Variants in GRIK2 observed in about 807,000 individuals in gnomAD.
GRIK2 encodes the protein glutamate ionotropic receptor kainate type subunit 2.
A neutral mutation model predicts 100.3 loss-of-function variants in GRIK2; 32 were observed. The observed-to-expected ratio is 0.32, with a 90% CI of 0.24 to 0.43. The LOEUF (loss-of-function observed/expected upper bound fraction) is 0.43, where lower values mean the gene tolerates loss of function less well. GRIK2 is among the 20% of genes least tolerant of loss of function. The pLI is 1.00. For missense variants in GRIK2, 843 were observed against 1,114.9 expected (o/e 0.76, Z 3.47); for synonymous variants, 417 against 389.4 (o/e 1.07, Z -0.83).
At chr6:101,924,805 G>A in intron 13 of GRIK2, 86 bp downstream of exon 13, 1 of 814,400 alleles carries the variant, frequency 1.2e-6, no homozygotes, top group South Asian at 1.4e-5. Flanking sequence ...CAAGTCGCTT[G>A]CATGGGTGCC....
At chr6:102,050,762 AAAG>A (rs977360368) in intron 15 of GRIK2, among the ~76,000 whole-genome samples, 11 of 151,550 alleles carry the variant, frequency 7.3e-5, no homozygotes, top group African/African-American at 2.7e-4. Flanking sequence ...GGGAGGGAAA[AAAG>A]GAGAAAAGGA....
intron 4 of GRIK2, among the ~76,000 whole-genome samples, chr6:101,657,435 T>C (rs893622606): frequency 4.6e-5 from 7 of 152,120 alleles, no homozygotes. Context: ...CTTTATAAAT[T>C]ACGCAGTCTT....
intron 12 of GRIK2, among the ~76,000 whole-genome samples, chr6:101,905,250 C>A (rs908430050): frequency 6.6e-6 from 1 of 151,464 alleles, no homozygotes; most frequent in Admixed American, 6.6e-5. Context: ...TTGAATGGCT[C>A]ATCTTAAAAT....
chr6:102,058,878 GA>G (rs1562145854), intron 16 of GRIK2, among the ~76,000 whole-genome samples: 1 of 151,308 alleles, frequency 6.6e-6, no homozygotes, highest in Non-Finnish European at 1.5e-5. Context: ...AGATATGTCA[GA>G]TATAATATAT....
chr6:101,883,562 AT>A (rs1786414043), intron 11 of GRIK2, among the ~76,000 whole-genome samples: 1 of 152,058 alleles, frequency 6.6e-6, no homozygotes, highest in African/African-American at 2.4e-5. Context: ...AAAGTACTGT[AT>A]GGAGATAAAG....
At chr6:102,017,358 A>G (rs1769166992) in intron 14 of GRIK2, among the ~76,000 whole-genome samples, 1 of 152,156 alleles carries the variant, frequency 6.6e-6, no homozygotes, top group African/African-American at 2.4e-5. Context: ...CATGGTGGAA[A>G]CTGTCCTTAT....
At chr6:101,589,906 C>G (rs756279478) in intron 2 of GRIK2, among the ~76,000 whole-genome samples, 6 of 152,048 alleles carry the variant, frequency 3.9e-5, no homozygotes, top group Non-Finnish European at 7.4e-5. Flanking sequence ...ACTAATTCAA[C>G]TTGTTTACCT....
At chr6:101,672,889 A>G (rs1372714437) in intron 4 of GRIK2, among the ~76,000 whole-genome samples, 1 of 152,142 alleles carries the variant, frequency 6.6e-6, no homozygotes. Context: ...GAACATACAC[A>G]TGCATGTTTT....
chr6:101,419,757 C>A (rs55767962), intron 2 of GRIK2, among the ~76,000 whole-genome samples: 3,923 of 152,224 alleles, frequency 0.026, 188 homozygotes, highest in African/African-American at 0.09. Context: ...GGCTTCTGAC[C>A]CTGCCTTATG....
chr6:101,732,487 A>G (rs1222775030), intron 7 of GRIK2, among the ~76,000 whole-genome samples: 2 of 152,094 alleles, frequency 1.3e-5, no homozygotes, highest in African/African-American at 2.4e-5. Flanking sequence ...AAAGCAATAT[A>G]TATCTTTATT....
chr6:101,939,360 A>G (rs918250936), intron 14 of GRIK2, among the ~76,000 whole-genome samples: 2 of 152,022 alleles, frequency 1.3e-5, no homozygotes, highest in African/African-American at 2.4e-5. Context: ...TAAATTCCCA[A>G]TATATATTTG....
At chr6:101,890,385 GTACTT>G (rs1465022148) in intron 12 of GRIK2, 1 of 152,158 alleles carries the variant, frequency 6.6e-6, no homozygotes, top group African/African-American at 2.4e-5. Flanking sequence ...ATTACCAAAA[GTACTT>G]TATTGTCATT....
intron 7 of GRIK2, among the ~76,000 whole-genome samples, chr6:101,782,012 C>G (rs1317858449): frequency 1.3e-5 from 2 of 151,920 alleles, no homozygotes; most frequent in Non-Finnish European, 2.9e-5. Flanking sequence ...TCTGGAGTCC[C>G]CTTTATTTTA....
intron 4 of GRIK2, among the ~76,000 whole-genome samples, chr6:101,644,201 A>T (rs1037034478): frequency 8.6e-5 from 13 of 151,984 alleles, no homozygotes; most frequent in African/African-American, 2.9e-4. Flanking sequence ...GCTAAAAGAG[A>T]GTTATATAAA....
At chr6:101,674,909 T>C (rs566471542) in intron 4 of GRIK2, among the ~76,000 whole-genome samples, 4 of 152,198 alleles carry the variant, frequency 2.6e-5, no homozygotes, top group Non-Finnish European at 5.9e-5. Context: ...TGATACATAA[T>C]AATTTTGCAT....
chr6:101,751,270 C>G (rs541576040), intron 7 of GRIK2, among the ~76,000 whole-genome samples: 5 of 151,420 alleles, frequency 3.3e-5, no homozygotes, highest in Non-Finnish European at 7.4e-5. Flanking sequence ...TTTATTTTTA[C>G]TTTTTATTAT....
chr6:101,480,429 C>A (rs1713352735), intron 2 of GRIK2, among the ~76,000 whole-genome samples: 1 of 151,986 alleles, frequency 6.6e-6, no homozygotes, highest in Non-Finnish European at 1.5e-5. Flanking sequence ...CTCTTAGCAT[C>A]CTATCTTTCT....
intron 14 of GRIK2, among the ~76,000 whole-genome samples, chr6:101,985,342 G>A (rs981381857): frequency 5.3e-5 from 8 of 151,746 alleles, no homozygotes; most frequent in Non-Finnish European, 1.2e-4. Context: ...AAGCCAGCAA[G>A]CACCTCAATA....
At chr6:101,444,663 A>G (rs1001522460) in intron 2 of GRIK2, among the ~76,000 whole-genome samples, 2 of 152,082 alleles carry the variant, frequency 1.3e-5, no homozygotes, top group African/African-American at 4.8e-5. Flanking sequence ...AGGAATTGCA[A>G]TCCTTTCTTA....
Sources: gnomAD v4.1 joint callset for allele counts (sites outside exome capture counted in the v4.1 genomes callset) on GRCh38, gnomAD v4.1.1 for gene constraint, MANE v1.5 for transcripts, NCBI Gene and HGNC (gene_info 2026-07-23, HGNC 2026-07-21) for gene names.